OBP2B: variants seen among roughly 807,000 people sequenced by gnomAD.
OBP2B encodes odorant-binding protein 2b.
Under a neutral mutation model 21.7 loss-of-function variants are expected in OBP2B, and 10 were observed. The ratio of observed to expected loss-of-function variants is 0.46; its 90% CI spans 0.28 to 0.78. The LOEUF (loss-of-function observed/expected upper bound fraction) is 0.78. Among genes scored for constraint, OBP2B ranks in the 30% least tolerant of loss-of-function variants. The pLI is 0.11. For synonymous variants in OBP2B, 73 were observed against 91.5 expected (o/e 0.80, Z 1.16); for missense variants, 153 against 217.7 (o/e 0.70, Z 1.87).
the OBP2B span, among the ~76,000 whole-genome samples, chr9:133,217,188 T>C: frequency 3.5e-4 from 54 of 152,328 alleles, no homozygotes; most frequent in Admixed American, 1.0e-3. Flanking sequence ...TCTCATTCTT[T>C]GGGGCACAAG....
Position 133,207,232 on chromosome 9 carries a change from G to T in OBP2B, c.382C>A (p.Leu128Ile). The T allele has an allele frequency of 6.2e-7, 1 of 1,611,662 alleles. No individual in the cohort carries two copies. Among genetic ancestry groups the T allele is most frequent in the South Asian group, 1.1e-5 (1 of 91,036 alleles). The change falls in exon 4 of 7, where the codon CTT becomes ATT. Residue 128 changes from leucine (L) to isoleucine (I), a missense_variant. Physicochemically the swap from Leu to Ile is conservative, Grantham distance 5 (BLOSUM62 2). Around this residue, in one of 2 missense-constraint regions of OBP2B, gnomAD observed 151 missense variants for 186.3 expected, o/e 0.81. Transcript: ENST00000372034. ...HHGGLLHMGK[L>I]VGRNSDTNRE... ...ACCCCAGCAAGCCCCTCACCCACAA[G>T]CTTTCCCATGTGGAGCAGGCCCCCA...
At chr9:133,206,519 G>T in intron 4 of OBP2B, 103 bp from the exon 5 acceptor site, 1 of 1,477,532 alleles carries the variant, frequency 6.8e-7, no homozygotes, top group Non-Finnish European at 9.3e-7. Flanking sequence ...CCAGGACAGG[G>T]GGAGAGGCCT....
At chr9:133,205,576 G>A in intron 6 of OBP2B, 165 bp from the exon 7 acceptor site, 2 of 615,238 alleles carry the variant, frequency 3.3e-6, no homozygotes, top group Admixed American at 3.0e-5. Context: ...AGGCCTCTGA[G>A]CATCCTTGGT....
In OBP2B at chr9:133,207,269, T is replaced by A. The variant is rs373910824; in HGVS notation, c.345A>T (p.Lys115Asn). ...GGAGCAGGCCCCCATGGTGCTGGTC[T>A]TTGCAGTAAAAGATGTAGTGGTCCC... Reference protein sequence around the residue: ...PRRDHYIFYCKDQHHGGLLHM... With the variant: ...PRRDHYIFYCNDQHHGGLLHM... The change falls in exon 4 of 7, where the codon AAA (lysine) becomes AAT (asparagine). Residue 115 changes from lysine (K) to asparagine (N), a missense_variant. Coordinates refer to ENST00000372034, the MANE Select transcript of OBP2B (RefSeq NM_014581.4). 19 of 1,613,822 alleles carry A rather than the reference T, an allele frequency of 1.2e-5. No individual in the cohort carries two copies. The highest frequency in any genetic ancestry group is 1.3e-5 in the Non-Finnish European group (15 of 1,179,902).
the OBP2B span, among the ~76,000 whole-genome samples, chr9:133,221,228 C>A: frequency 6.6e-6 from 1 of 152,164 alleles, no homozygotes; most frequent in Non-Finnish European, 1.5e-5. Flanking sequence ...CCAGAGGATG[C>A]GTTTCCTCAC....
chr9:133,212,305 G>T (rs1221734548), upstream of OBP2B, among the ~76,000 whole-genome samples: 3 of 152,110 alleles, frequency 2.0e-5, no homozygotes, highest in Non-Finnish European at 4.4e-5. Context: ...CAAAGAACTC[G>T]GCCACCCATC....
chr9:133,205,722 G>A, intron 6 of OBP2B, 195 bp downstream of exon 6: 3 of 589,640 alleles, frequency 5.1e-6, no homozygotes, highest in Middle Eastern at 4.4e-4. Context: ...GCAGGTGCAG[G>A]AATGATAAAA....
At chr9:133,212,751 C>T (rs782732341), upstream of OBP2B, among the ~76,000 whole-genome samples, 5 of 152,070 alleles carry the variant, frequency 3.3e-5, no homozygotes, top group Non-Finnish European at 5.9e-5. Context: ...GCCAACATGG[C>T]GAAAACCCAT....
At chr9:133,210,591 T>C (rs1279500337), upstream of OBP2B, among the ~76,000 whole-genome samples, 4 of 151,980 alleles carry the variant, frequency 2.6e-5, no homozygotes, top group African/African-American at 9.6e-5. Context: ...CACCTCGTAT[T>C]TCATTGGTTG....
Position 133,209,164 on chromosome 9 carries a change from C to T in OBP2B, c.36G>A (p.Leu12=). Residue 12 remains leucine (L), a synonymous_variant, in exon 1 of 7, where the codon CTG becomes CTA. Coordinates refer to ENST00000372034, the MANE Select transcript of OBP2B (RefSeq NM_014581.4). This position sits in a 1 kb window ranked among gnomAD's most constrained non-coding sequence, Gnocchi z 6.0. ...KTLFLGVTLG[L]AAALSFTLEE... ...CCAGGGTGAAGGACAGGGCAGCGGCCAGGCCGAGCGTGACACCCAGGAACA... is the reference window on the plus strand; with the variant it reads ...CCAGGGTGAAGGACAGGGCAGCGGCTAGGCCGAGCGTGACACCCAGGAACA... 6.2e-7 allele frequency: 1 copy of T among 1,603,880 alleles called. No homozygotes were observed. Among genetic ancestry groups the T allele is most frequent in the Non-Finnish European group, 8.5e-7 (1 of 1,175,698 alleles).
intron 3 of OBP2B, 94 bp from the exon 4 acceptor site, chr9:133,207,430 C>T: frequency 2.4e-6 from 2 of 837,040 alleles, no homozygotes; most frequent in Non-Finnish European, 1.9e-6. Context: ...CACCCAGGTG[C>T]CCTGGACAGC....
intron 5 of OBP2B, 35 bp from the exon 6 acceptor site, chr9:133,205,975 G>T: frequency 2.1e-6 from 2 of 944,022 alleles, no homozygotes; most frequent in South Asian, 1.7e-5. Context: ...GGATTAGAAG[G>T]CGCCCTAGAC....
At chr9:133,213,454 A>C (rs1309785303), upstream of OBP2B, among the ~76,000 whole-genome samples, 1 of 152,248 alleles carries the variant, frequency 6.6e-6, no homozygotes, top group Non-Finnish European at 1.5e-5. Flanking sequence ...AAAAGCAGAA[A>C]GCAGAAAAAA....
the OBP2B span, among the ~76,000 whole-genome samples, chr9:133,222,510 T>C: frequency 2.1e-4 from 32 of 152,212 alleles, no homozygotes; most frequent in African/African-American, 7.7e-4. Flanking sequence ...GGTGGATCAA[T>C]TGAGGTCAGG....
At chr9:133,211,887 T>C (rs1294438421), upstream of OBP2B, among the ~76,000 whole-genome samples, 1 of 152,210 alleles carries the variant, frequency 6.6e-6, no homozygotes. Context: ...GTAAATGGTT[T>C]AAATATTAAA....
the OBP2B span, among the ~76,000 whole-genome samples, chr9:133,222,696 G>A: frequency 2.6e-5 from 4 of 151,928 alleles, no homozygotes; most frequent in African/African-American, 4.8e-5. Context: ...GTGCCACTGC[G>A]CTCCAGCCTG....
At chr9:133,208,388 T>A in intron 2 of OBP2B, 81 bp downstream of exon 2, 2 of 1,600,080 alleles carry the variant, frequency 1.2e-6, no homozygotes, top group Non-Finnish European at 1.7e-6. Context: ...ACCCGAAACG[T>A]GGATGGGGCA....
upstream of OBP2B, among the ~76,000 whole-genome samples, chr9:133,210,385 G>C (rs1331584116): frequency 1.3e-5 from 2 of 152,050 alleles, no homozygotes; most frequent in Non-Finnish European, 2.9e-5. Flanking sequence ...GGGCTGTAAC[G>C]AACGGGCTGG....
upstream of OBP2B, among the ~76,000 whole-genome samples, chr9:133,211,778 A>C (rs779588815): frequency 5.3e-5 from 8 of 152,240 alleles, no homozygotes; most frequent in Non-Finnish European, 8.8e-5. Context: ...GAATGTGAGA[A>C]AATAAATTTT....
Sources: gnomAD v4.1 joint callset for allele counts (sites outside exome capture counted in the v4.1 genomes callset) on GRCh38, gnomAD v4.1.1 for gene constraint, gnomAD v4.1.1 regional missense constraint, Gnocchi (gnomAD v3.1) non-coding constraint, MANE v1.5 for transcripts, NCBI Gene and HGNC (gene_info 2026-07-23, HGNC 2026-07-21) for gene names.